The following LENG9 variants were observed in gnomAD, a reference collection of about 807,000 sequenced individuals.
LENG9 encodes leukocyte receptor cluster (LRC) member 9.
For missense variants in LENG9, 872 were observed against 652.7 expected, an observed-to-expected ratio of 1.34 and a Z score of -3.66; for synonymous variants, 410 against 303.9, an observed-to-expected ratio of 1.35 and a Z score of -3.63.
At position 54,461,948 on chromosome 19, in the gene LENG9, C is replaced by T. The variant is rs978427275; in HGVS notation, c.*142G>A. 3.4e-5 allele frequency: 35 copies of T among 1,024,336 alleles called. 1 individual carries two copies. The Admixed American group carries it at 5.9e-4, about 17-fold the overall frequency. The allele number at this position is 1,024,336 out of a possible 1,614,324, so 63.5% of individuals were successfully genotyped here. On this transcript the variant is annotated 3_prime_UTR_variant, in exon 1 of 1. Transcript: ENST00000611161. Reference sequence around the variant, plus strand: ...TCCCCTCCTTTTCCTTCCTTCCTTCCTTTCCTTGGAGCACTGAGCACCATT... The same window carrying T: ...TCCCCTCCTTTTCCTTCCTTCCTTCTTTTCCTTGGAGCACTGAGCACCATT...
Position 54,461,812 on chromosome 19 carries a change from C to T in LENG9, c.*278G>A. On this transcript the variant is annotated 3_prime_UTR_variant, in exon 1 of 1. Transcript: ENST00000611161. ...TCCCTTTTCTTTTTGGCCCTCCCTC[C>T]CTCCCTCTTCTGCCATGTAACTGGA... is the stretch of plus-strand genomic sequence containing the variant. The T allele has an allele frequency of 1.7e-6, 1 of 594,860 alleles. No homozygotes were observed. Among genetic ancestry groups the T allele is most frequent in the Non-Finnish European group, 3.3e-6 (1 of 305,664 alleles). 36.8% of individuals were successfully genotyped at this position (594,860 alleles called of 1,614,324 possible). A position where few individuals can be genotyped will look rare whatever the true frequency, so the allele number is the denominator to read the frequency against.
In LENG9 at chr19:54,461,813, C is replaced by T. The variant is rs1460319534; in HGVS notation, c.*277G>A. On this transcript the variant is annotated 3_prime_UTR_variant, in exon 1 of 1. Transcript: ENST00000611161. ...CCCTTTTCTTTTTGGCCCTCCCTCC[C>T]TCCCTCTTCTGCCATGTAACTGGAG... The T allele has an allele frequency of 3.3e-6, 2 of 600,282 alleles. No individual in the cohort carries two copies. Among genetic ancestry groups the T allele is most frequent in the Admixed American group, 2.2e-5 (1 of 46,198 alleles). 37.2% of individuals were successfully genotyped at this position (600,282 alleles called of 1,614,324 possible). A position where few individuals can be genotyped will look rare whatever the true frequency, so the allele number is the denominator to read the frequency against.
rs530557227 is a variant in LENG9 at position 54,462,850 on chromosome 19, C to T, written c.677G>A (p.Gly226Glu). 3.7e-6 allele frequency: 6 copies of T among 1,612,540 alleles called. No individual in the cohort carries two copies. The highest frequency in any genetic ancestry group is 5.1e-6 in the Non-Finnish European group (6 of 1,179,890). The change falls in exon 1 of 1, where the codon GGA becomes GAA. Residue 226 changes from glycine to glutamate, a missense_variant. Gly to Glu is a moderately conservative substitution (Grantham distance 98). Transcript: ENST00000611161. ...GAGGCGTCCTCTTGGGGCCAGTGTT[C>T]CCAAATCAGCAGCTGTGCCCAGCGC... ...ERALGTAADL[G>E]TLAPRGRLAG...
At position 54,462,934 on chromosome 19, in the gene LENG9, G is replaced by C. The variant is rs1364953854; in HGVS notation, c.593C>G (p.Thr198Arg). ...CTCCACGCCTGGTTCCTGGTGCCCT[G>C]TGCAGAGCGGCCTTGTGCTCCCTCG... Reference protein sequence around the residue: ...PKRGSTRPLCTGHQEPGVEEP... With the variant: ...PKRGSTRPLCRGHQEPGVEEP... The change falls in exon 1 of 1, where the codon ACA (threonine) becomes AGA (arginine). Residue 198 changes from threonine (T) to arginine (R), a missense_variant. Physicochemically the swap from Thr to Arg is moderately conservative, Grantham distance 71 (BLOSUM62 -1). Transcript: ENST00000611161. The C allele has an allele frequency of 1.9e-6, 3 of 1,611,988 alleles. No individual in the cohort carries two copies. The East Asian group carries it at 6.7e-5, about 36-fold the overall frequency.
In LENG9 at chr19:54,462,183, T is replaced by C. The variant is rs2084603295; in HGVS notation, c.1344A>G (p.Glu448=). The part of the protein sequence containing the change: ...LPKLEFTLSQ[E]VGCQPLQTLW... ...GTGTCTGCAGGGGCTGGCACCCCAC[T>C]TCCTGGCTGAGGGTGAACTCCAGCT... is the stretch of plus-strand genomic sequence containing the variant. Residue 448 remains glutamate (E), a synonymous_variant, in exon 1 of 1, where the codon GAA becomes GAG. Coordinates refer to ENST00000611161, the MANE Select transcript of LENG9 (RefSeq NM_001301782.2). 5.0e-6 allele frequency: 8 copies of C among 1,613,144 alleles called. No homozygotes were observed. The highest frequency in any genetic ancestry group is 6.8e-6 in the Non-Finnish European group (8 of 1,179,478).
Position 54,461,763 on chromosome 19 carries a change from T to A in LENG9, c.*327A>T, listed in dbSNP as rs372123870. The A allele has an allele frequency of 3.6e-6, 2 of 559,092 alleles. No individual in the cohort carries two copies. The highest frequency in any genetic ancestry group is 7.0e-6 in the Non-Finnish European group (2 of 284,774). 34.6% of individuals were successfully genotyped at this position (559,092 alleles called of 1,614,324 possible). A position where few individuals can be genotyped will look rare whatever the true frequency, so the allele number is the denominator to read the frequency against. Reference sequence around the variant, plus strand: ...TCTCTTTTCTTTGTGTGTGTGTTTATTTAAGTTATTTTTCTTCCTCCTCTC... The same window carrying A: ...TCTCTTTTCTTTGTGTGTGTGTTTAATTAAGTTATTTTTCTTCCTCCTCTC... On this transcript the variant is annotated 3_prime_UTR_variant, in exon 1 of 1. Transcript: ENST00000611161.
Position 54,461,891 on chromosome 19 carries a change from A to T in LENG9, c.*199T>A. ...GACTGTCAGGCTGCTTTTTTTCCAG[A>T]TGTTCCTCCTCTGCCTCCCCTTCCC... On this transcript the variant is annotated 3_prime_UTR_variant, in exon 1 of 1. Coordinates refer to ENST00000611161, the MANE Select transcript of LENG9 (RefSeq NM_001301782.2). The T allele has an allele frequency of 1.3e-6, 1 of 760,278 alleles. No individual in the cohort carries two copies. Among genetic ancestry groups the T allele is most frequent in the Non-Finnish European group, 2.4e-6 (1 of 421,766 alleles). 47.1% of individuals were successfully genotyped at this position (760,278 alleles called of 1,614,324 possible). A position where few individuals can be genotyped will look rare whatever the true frequency, so the allele number is the denominator to read the frequency against.
chr19:54,462,776 A>G lies in LENG9; in HGVS notation c.751T>C (p.Leu251=), dbSNP rs769663060. 1.2e-6 allele frequency: 2 copies of G among 1,610,450 alleles called. No individual in the cohort carries two copies. The highest frequency in any genetic ancestry group is 1.7e-5 in the Admixed American group (1 of 59,858). The part of the protein sequence containing the change: ...LKPTAATRTT[L]LGGKEAQALG... Reference sequence around the variant, plus strand: ...GCCTGTGCTTCCTTGCCCCCCAGCAATGTGGTCCTGGTGGCTGCTGTTGGC... The same window carrying G: ...GCCTGTGCTTCCTTGCCCCCCAGCAGTGTGGTCCTGGTGGCTGCTGTTGGC... Residue 251 remains leucine, a synonymous_variant, in exon 1 of 1, where the codon TTG becomes CTG. Coordinates refer to ENST00000611161, the MANE Select transcript of LENG9 (RefSeq NM_001301782.2).
chr19:54,463,667 G>T lies in LENG9; in HGVS notation c.-141C>A. ...CCTAGCTCTGGGGACCACGCCGCGT[G>T]CCCTCGCGAGGACTCTGGCCCAGTC... On this transcript the variant is annotated 5_prime_UTR_variant, in exon 1 of 1. Transcript: ENST00000611161. 1 of 1,148,804 alleles carries T rather than the reference G, an allele frequency of 8.7e-7. No homozygotes were observed. The highest frequency in any genetic ancestry group is 1.1e-6 in the Non-Finnish European group (1 of 899,914). 71.2% of individuals were successfully genotyped at this position (1,148,804 alleles called of 1,614,324 possible).
At position 54,462,825 on chromosome 19, in the gene LENG9, G is replaced by GT. The variant is rs1187071078; in HGVS notation, c.701_702insA (p.Ala235ArgfsTer5). ...GCTTCAGTGCCTCAGTCACTCCGGC[G>GT]AGGCGTCCTCTTGGGGCCAGTGTTC... On this transcript the variant is annotated frameshift_variant, in exon 1 of 1. Transcript: ENST00000611161. LOFTEE classifies it low-confidence loss of function (END_TRUNC). The GT allele has an allele frequency of 6.2e-7, 1 of 1,612,412 alleles. No individual in the cohort carries two copies. The highest frequency in any genetic ancestry group is 1.7e-5 in the Admixed American group (1 of 60,010).
In LENG9 at chr19:54,461,745, T is replaced by C; in HGVS notation, c.*345A>G. 1.9e-6 allele frequency: 1 copy of C among 530,652 alleles called. No individual in the cohort carries two copies. Among genetic ancestry groups the C allele is most frequent in the Non-Finnish European group, 3.7e-6 (1 of 266,708 alleles). The allele number at this position is 530,652 out of a possible 1,614,324, so 32.9% of individuals were successfully genotyped here. On this transcript the variant is annotated 3_prime_UTR_variant, in exon 1 of 1. Coordinates refer to ENST00000611161, the MANE Select transcript of LENG9 (RefSeq NM_001301782.2). The stretch of plus-strand genomic sequence containing the variant: ...GCTCACGTCATGTTGCCTTCTCTTT[T>C]CTTTGTGTGTGTGTTTATTTAAGTT...
chr19:54,462,267 C>T lies in LENG9; in HGVS notation c.1260G>A (p.Gln420=), dbSNP rs1484425650. The T allele has an allele frequency of 3.1e-6, 5 of 1,609,298 alleles. No homozygotes were observed. The highest frequency in any genetic ancestry group is 4.2e-6 in the Non-Finnish European group (5 of 1,177,246). ...TGGCCACGGTGAGGTGGGGGTGCAG[C>T]TGCCCTGGAGACTGTAGTGTACTCA... ...EGLSTLQSPG[Q]LHPHLTVAKV... The change falls in exon 1 of 1, where the codon CAG becomes CAA. Residue 420 remains glutamine (Q), a synonymous_variant. Coordinates refer to ENST00000611161, the MANE Select transcript of LENG9 (RefSeq NM_001301782.2).
rs1171391197 is a variant in LENG9, at chr19:54,462,066, G to T, written c.*24C>A. 3.2e-6 allele frequency: 5 copies of T among 1,544,540 alleles called. No homozygotes were observed. The highest frequency in any genetic ancestry group is 3.5e-6 in the Non-Finnish European group (4 of 1,148,900). Reference sequence around the variant, plus strand: ...CCTGTGTGGGCTGTTTGCATCCATTGTCTCCTCCAGAGGTCTGGGGGTGTC... The same window carrying T: ...CCTGTGTGGGCTGTTTGCATCCATTTTCTCCTCCAGAGGTCTGGGGGTGTC... On this transcript the variant is annotated 3_prime_UTR_variant, in exon 1 of 1. Transcript: ENST00000611161.
At position 54,463,482 on chromosome 19, in the gene LENG9, G is replaced by A. The variant is rs1411618444; in HGVS notation, c.45C>T (p.Ala15=). 3 of 1,304,666 alleles carry A rather than the reference G, an allele frequency of 2.3e-6. No homozygotes were observed. The highest frequency in any genetic ancestry group is 2.9e-6 in the Non-Finnish European group (3 of 1,025,698). 80.8% of individuals were successfully genotyped at this position (1,304,666 alleles called of 1,614,324 possible). A position where few individuals can be genotyped will look rare whatever the true frequency, so the allele number is the denominator to read the frequency against. The change falls in exon 1 of 1, where the codon GCC becomes GCT. Residue 15 remains alanine, a synonymous_variant. Coordinates refer to ENST00000611161, the MANE Select transcript of LENG9 (RefSeq NM_001301782.2). ...REPELPQEAP[A]TEPAPPPACR... ...AGGCCGGCGGGGGCGCGGGTTCCGT[G>A]GCGGGGGCTTCCTGCGGCAACTCCG...
In LENG9 at chr19:54,463,179, G is replaced by T; in HGVS notation, c.348C>A (p.Gly116=). The part of the protein sequence containing the change: ...WDQPLAALGP[G]VLAVPQHRVR... ...CGCGGTGCTGGGGCACTGCCAGCAC[G>T]CCCGGCCCGAGCGCCGCCAGCGGCT... Residue 116 remains glycine (G), a synonymous_variant, in exon 1 of 1, where the codon GGC becomes GGA. Transcript: ENST00000611161. 6.3e-7 allele frequency: 1 copy of T among 1,576,572 alleles called. No homozygotes were observed. The highest frequency in any genetic ancestry group is 8.6e-7 in the Non-Finnish European group (1 of 1,167,734).
rs2084643719 is a variant in LENG9, at chr19:54,462,985, C to A, written c.542G>T (p.Gly181Val). The change falls in exon 1 of 1, where the codon GGT becomes GTT. Residue 181 changes from glycine (G) to valine (V), a missense_variant. Transcript: ENST00000611161. Reference protein sequence around the residue: ...EGAEWTLAGTGQEAQAAPKRG... With the variant: ...EGAEWTLAGTVQEAQAAPKRG... Reference sequence around the variant, plus strand: ...CTTGGGGGCAGCCTGGGCCTCCTGACCTGTCCCCGCCAGTGTCCACTCGGC... The same window carrying A: ...CTTGGGGGCAGCCTGGGCCTCCTGAACTGTCCCCGCCAGTGTCCACTCGGC... 6.2e-7 allele frequency: 1 copy of A among 1,604,614 alleles called. No individual in the cohort carries two copies.
Position 54,462,738 on chromosome 19 carries a change from C to A in LENG9, c.789G>T (p.Pro263=), listed in dbSNP as rs150665622. 41 of 1,610,854 alleles carry A rather than the reference C, an allele frequency of 2.5e-5. No individual in the cohort carries two copies. Among genetic ancestry groups the A allele is most frequent in the Non-Finnish European group, 2.7e-5 (32 of 1,180,004 alleles). The part of the protein sequence containing the change: ...GGKEAQALGV[P]GGSAETTEAE... Reference sequence around the variant, plus strand: ...CTTCTGTCGTCTCAGCGGAGCCCCCCGGGACTCCCAGGGCCTGTGCTTCCT... The same window carrying A: ...CTTCTGTCGTCTCAGCGGAGCCCCCAGGGACTCCCAGGGCCTGTGCTTCCT... The change falls in exon 1 of 1, where the codon CCG becomes CCT. Residue 263 remains proline (P), a synonymous_variant. Coordinates refer to ENST00000611161, the MANE Select transcript of LENG9 (RefSeq NM_001301782.2).
chr19:54,462,780 G>GA lies in LENG9; in HGVS notation c.746_747insT (p.Thr250HisfsTer19). ...GTGCTTCCTTGCCCCCCAGCAATGT[G>GA]GTCCTGGTGGCTGCTGTTGGCTTCA... On this transcript the variant is annotated frameshift_variant, in exon 1 of 1. Coordinates refer to ENST00000611161, the MANE Select transcript of LENG9 (RefSeq NM_001301782.2). LOFTEE classifies it low-confidence loss of function (END_TRUNC). The GA allele has an allele frequency of 1.9e-6, 3 of 1,608,922 alleles. No homozygotes were observed. The highest frequency in any genetic ancestry group is 2.5e-6 in the Non-Finnish European group (3 of 1,179,352).
rs551213010 is a variant in LENG9, at chr19:54,462,240, C to T, written c.1287G>A (p.Lys429=). 36 of 1,613,046 alleles carry T rather than the reference C, an allele frequency of 2.2e-5. No individual in the cohort carries two copies. In the South Asian group the frequency reaches 3.1e-4, roughly 14 times the overall value. ...GQLHPHLTVA[K]VPHGSQVHLP... ...GGTGGACCTGGGAACCATGGGGCAC[C>T]TTGGCCACGGTGAGGTGGGGGTGCA... The change falls in exon 1 of 1, where the codon AAG becomes AAA. Residue 429 remains lysine (K), a synonymous_variant. Coordinates refer to ENST00000611161, the MANE Select transcript of LENG9 (RefSeq NM_001301782.2).
Sources: gnomAD v4.1 joint callset for allele counts on GRCh38, gnomAD v4.1.1 for gene constraint, MANE v1.5 for transcripts, NCBI Gene and HGNC (gene_info 2026-07-23, HGNC 2026-07-21) for gene names.